ARID4A: variants seen among roughly 807,000 people sequenced by gnomAD.
ARID4A encodes AT-rich interaction domain 4A, also known as AT-rich interactive domain-containing protein 4A.
ARID4A carries 39 observed loss-of-function variants against 148.6 expected under a neutral mutation model. That is an observed-to-expected ratio of 0.26 (90% CI 0.20 to 0.34). ARID4A has a LOEUF of 0.34. Among genes scored for constraint, ARID4A ranks in the 10% least tolerant of loss-of-function variants. ARID4A has a pLI of 1.00. For missense variants in ARID4A, 1,265 were observed against 1,449.1 expected (o/e 0.87, Z 2.06); for synonymous variants, 475 against 481.2 (o/e 0.99, Z 0.17).
intron 9 of ARID4A, among the ~76,000 whole-genome samples, chr14:58,328,541 T>G (rs955309131): frequency 1.4e-5 from 2 of 148,072 alleles, no homozygotes; most frequent in African/African-American, 4.9e-5. Context: ...TTAAGAACAG[T>G]TTTTTTTTTA....
intron 14 of ARID4A, among the ~76,000 whole-genome samples, 155 bp from the exon 15 acceptor site, chr14:58,347,492 C>G (rs973167510): frequency 3.3e-5 from 5 of 152,128 alleles, no homozygotes; most frequent in Non-Finnish European, 7.3e-5. Flanking sequence ...GTTTATGATT[C>G]TATCTAAAAC....
At position 58,347,027 on chromosome 14, in the gene ARID4A, G is replaced by C; in HGVS notation, c.1082G>C (p.Ser361Thr). ...AAAAACTTAATTTTCCAGATTGATA[G>C]TGGTGCTGTATGGAAGCAAATTTAT... Reference protein sequence around the residue: ...YHQGGCDNIDSGAVWKQIYMD... With the variant: ...YHQGGCDNIDTGAVWKQIYMD... Residue 361 changes from serine to threonine, a missense_variant, in exon 14 of 24, where the codon AGT becomes ACT. Transcript: ENST00000355431. 2.1e-6 allele frequency: 3 copies of C among 1,406,466 alleles called. No individual in the cohort carries two copies. The Admixed American group carries it at 7.1e-5, about 33-fold the overall frequency. The allele number at this position is 1,406,466 out of a possible 1,614,324, so 87.1% of individuals were successfully genotyped here.
Position 58,330,025 on chromosome 14 carries a change from C to T in ARID4A, c.762C>T (p.Phe254=), listed in dbSNP as rs2033433253. The T allele has an allele frequency of 1.2e-6, 2 of 1,609,606 alleles. No individual in the cohort carries two copies. Among genetic ancestry groups the T allele is most frequent in the Non-Finnish European group, 1.7e-6 (2 of 1,178,960 alleles). Residue 254 remains phenylalanine (F), a synonymous_variant, in exon 11 of 24, where the codon TTC becomes TTT. Transcript: ENST00000355431. The stretch of plus-strand genomic sequence containing the variant: ...TAGGGCTTCAGAAAGCAAGCATCTT[C>T]TTAAAAACTAGAGTTGTTCCTGATA... The part of the protein sequence containing the change: ...TKPGLQKASI[F]LKTRVVPDNW...
At chr14:58,338,283 TTTCACATTTTTAAAAAATCACACTA>T (rs1221868739) in intron 11 of ARID4A, among the ~76,000 whole-genome samples, 7 of 152,214 alleles carry the variant, frequency 4.6e-5, no homozygotes, top group African/African-American at 1.7e-4. Flanking sequence ...AGTTTTAGTA[TTTCACATTTTTAAAAAATCACACTA>T]TTTAATATAT....
At chr14:58,320,797 C>T (rs1289139985) in intron 7 of ARID4A, among the ~76,000 whole-genome samples, 2 of 151,818 alleles carry the variant, frequency 1.3e-5, no homozygotes, top group Non-Finnish European at 2.9e-5. Context: ...TTAGTAGAGA[C>T]GGGATTTCAC....
At chr14:58,318,073 G>T (rs1441890512) in intron 5 of ARID4A, among the ~76,000 whole-genome samples, 1 of 152,148 alleles carries the variant, frequency 6.6e-6, no homozygotes, top group Non-Finnish European at 1.5e-5. Context: ...TGGTACATGT[G>T]TAGTAGGTTA....
rs139306325 is a variant in ARID4A at position 58,323,589 on chromosome 14, C to T, written c.554C>T (p.Thr185Met). 1,857 of 1,614,042 alleles carry T rather than the reference C, an allele frequency of 1.2e-3. 3 individuals are homozygous for T. The highest frequency in any genetic ancestry group is 3.9e-3 in the South Asian group (358 of 91,070). Residue 185 changes from threonine to methionine, a missense_variant, in exon 8 of 24, where the codon ACG becomes ATG. Physicochemically the swap from Thr to Met is moderately conservative, Grantham distance 81. Transcript: ENST00000355431. ...LGKVVSVVSA[T>M]ERTEWYPALV... ...AAAGTTGTAAGTGTGGTGTCTGCAA[C>T]GGAGAGGACTGAATGGTATCCTGCT...
At chr14:58,362,693 G>T (rs1364557196) in intron 19 of ARID4A, among the ~76,000 whole-genome samples, 1 of 150,680 alleles carries the variant, frequency 6.6e-6, no homozygotes, top group African/African-American at 2.4e-5. Flanking sequence ...AAGTAGCTGG[G>T]ACCACAGGTG....
intron 23 of ARID4A, chr14:58,369,952 C>G (rs1371913609): frequency 6.6e-6 from 1 of 152,204 alleles, no homozygotes; most frequent in African/African-American, 2.4e-5. Context: ...GGTAAATTAC[C>G]TGATAGGGTT....
At chr14:58,336,019 T>G (rs937065271) in intron 11 of ARID4A, among the ~76,000 whole-genome samples, 4 of 148,332 alleles carry the variant, frequency 2.7e-5, no homozygotes, top group Non-Finnish European at 4.5e-5. Flanking sequence ...TAGTTGTTTG[T>G]TTTTTTTTTT....
chr14:58,343,201 A>C (rs1460929624), intron 11 of ARID4A, among the ~76,000 whole-genome samples: 1 of 152,214 alleles, frequency 6.6e-6, no homozygotes, highest in African/African-American at 2.4e-5. Flanking sequence ...AATGACCTTC[A>C]CTAACTACTT....
At position 58,353,691 on chromosome 14, in the gene ARID4A, A is replaced by T. The variant is rs199509004; in HGVS notation, c.1689A>T (p.Gly563=). Residue 563 remains glycine, a synonymous_variant, in exon 17 of 24, where the codon GGA becomes GGT. Coordinates refer to ENST00000355431, the MANE Select transcript of ARID4A (RefSeq NM_002892.4). The part of the protein sequence containing the change: ...EETESKCDSE[G]EEDEEDMEPC... ...CTGAAAGCAAATGTGACTCTGAAGG[A>T]GAGGAAGATGAGGAAGACATGGAAC... 7.6e-5 allele frequency: 122 copies of T among 1,614,080 alleles called. 1 individual carries two copies. The highest frequency in any genetic ancestry group is 9.9e-5 in the Non-Finnish European group (117 of 1,179,984).
At chr14:58,336,298 T>A (rs781600249) in intron 11 of ARID4A, among the ~76,000 whole-genome samples, 1 of 152,172 alleles carries the variant, frequency 6.6e-6, no homozygotes, top group Non-Finnish European at 1.5e-5. Context: ...TTTCTCCAAG[T>A]TTTCTTTCTT....
chr14:58,305,174 G>A (rs1306236380), intron 4 of ARID4A, among the ~76,000 whole-genome samples, 165 bp downstream of exon 4: 1 of 152,054 alleles, frequency 6.6e-6, no homozygotes, highest in Non-Finnish European at 1.5e-5. Flanking sequence ...TATTGCAATG[G>A]CTGTATTCTG....
At chr14:58,311,885 A>G (rs753934705) in intron 5 of ARID4A, among the ~76,000 whole-genome samples, 2 of 125,938 alleles carry the variant, frequency 1.6e-5, no homozygotes, top group Non-Finnish European at 3.2e-5. Flanking sequence ...AACTCTTATT[A>G]GAGAGTAGAG....
chr14:58,331,995 A>C (rs1181779808), intron 11 of ARID4A, among the ~76,000 whole-genome samples: 1,158 of 85,058 alleles, frequency 0.014, 3 homozygotes, highest in Admixed American at 0.018. Context: ...CATTTTCCCT[A>C]CCCCCCCCCC....
At chr14:58,325,564 G>GCCA (rs1422442209) in intron 8 of ARID4A, among the ~76,000 whole-genome samples, 2 of 152,166 alleles carry the variant, frequency 1.3e-5, no homozygotes, top group East Asian at 3.9e-4. Context: ...ACAGGTGTGA[G>GCCA]CCACTGCGCC....
At chr14:58,316,001 G>C (rs904399272) in intron 5 of ARID4A, among the ~76,000 whole-genome samples, 1 of 152,158 alleles carries the variant, frequency 6.6e-6, no homozygotes, top group African/African-American at 2.4e-5. Context: ...AGAACTGATT[G>C]AAGTAAATAA....
chr14:58,299,624 G>A (rs2140123221), intron 1 of ARID4A, 174 bp from the exon 2 acceptor site: 1 of 600,604 alleles, frequency 1.7e-6, no homozygotes, highest in Admixed American at 3.0e-5. Flanking sequence ...TGGCGCTCGT[G>A]GGGTTCTCGC....
Sources: gnomAD v4.1 joint callset for allele counts (sites outside exome capture counted in the v4.1 genomes callset) on GRCh38, gnomAD v4.1.1 for gene constraint, MANE v1.5 for transcripts, NCBI Gene and HGNC (gene_info 2026-07-23, HGNC 2026-07-21) for gene names.